Variants in DOCK5 observed in about 807,000 individuals in gnomAD.
DOCK5 encodes dedicator of cytokinesis protein 5.
DOCK5 carries 142 observed loss-of-function variants against 251.8 expected under a neutral mutation model. That is an observed-to-expected ratio of 0.56 (90% CI 0.49 to 0.65). The LOEUF is 0.65. Ranked by LOEUF, DOCK5 falls within the 30% of genes least tolerant of loss-of-function variation. The probability of loss-of-function intolerance (pLI) is 0.00; values close to 1 mark genes in which losing one functional copy is unlikely to be tolerated. For missense variants in DOCK5, 2,111 were observed against 2,312.3 expected, an observed-to-expected ratio of 0.91 and a Z score of 1.79; for synonymous variants, 842 against 835.5, an observed-to-expected ratio of 1.01 and a Z score of -0.13.
In DOCK5 at chr8:25,246,064, G is replaced by T. The variant is rs183523125; in HGVS notation, c.127+2307G>T. ...TAATTTAGAATTGTTGTGTTAAACAGTTCTAACTTTTAATTCCTATTTATT... is the reference window on the plus strand; with the variant it reads ...TAATTTAGAATTGTTGTGTTAAACATTTCTAACTTTTAATTCCTATTTATT... On this transcript the variant is annotated intron_variant, in intron 2 of 51. Transcript: ENST00000276440. 1.3e-3 allele frequency among the ~76,000 whole-genome samples: 192 copies of T among 152,292 alleles called. 2 individuals carry two copies. Among genetic ancestry groups the T allele is most frequent in the Non-Finnish European group, 2.4e-4 (16 of 68,028 alleles).
chr8:25,286,177 C>T (rs1457277498), intron 5 of DOCK5, among the ~76,000 whole-genome samples: 1 of 151,992 alleles, frequency 6.6e-6, no homozygotes, highest in African/African-American at 2.4e-5. Flanking sequence ...CACAGAAGGA[C>T]CCAAACACCC....
chr8:25,311,414 G>A (rs757356912), intron 13 of DOCK5, among the ~76,000 whole-genome samples: 5 of 151,540 alleles, frequency 3.3e-5, no homozygotes, highest in African/African-American at 7.3e-5. Context: ...GTGGTGGCAC[G>A]TGCCTGTAGT....
At chr8:25,202,345 C>T (rs1490783217) in intron 1 of DOCK5, among the ~76,000 whole-genome samples, 2 of 152,166 alleles carry the variant, frequency 1.3e-5, no homozygotes, top group Non-Finnish European at 1.5e-5. Context: ...TCCCAGGGAT[C>T]TCTGGGTGAT....
intron 5 of DOCK5, among the ~76,000 whole-genome samples, chr8:25,290,817 G>A (rs953277688): frequency 1.3e-5 from 2 of 152,150 alleles, no homozygotes; most frequent in Non-Finnish European, 2.9e-5. Context: ...TGCTATCATG[G>A]GAACAAATTC....
At chr8:25,406,451 C>G (rs770632949) in intron 48 of DOCK5, among the ~76,000 whole-genome samples, 3 of 152,066 alleles carry the variant, frequency 2.0e-5, no homozygotes, top group Non-Finnish European at 4.4e-5. Flanking sequence ...ATAAAAATAA[C>G]CTACCTGAAT....
At chr8:25,334,711 C>CT (rs1805760317) in intron 21 of DOCK5, among the ~76,000 whole-genome samples, 2 of 143,250 alleles carry the variant, frequency 1.4e-5, no homozygotes, top group African/African-American at 5.1e-5. Flanking sequence ...GACTTAGTAT[C>CT]TAAAAAAAAA....
chr8:25,377,246 G>T (rs931954670), intron 37 of DOCK5, 59 bp from the exon 38 acceptor site: 3 of 1,538,278 alleles, frequency 2.0e-6, no homozygotes, highest in Admixed American at 4.4e-5. Context: ...ATATTTTCTT[G>T]ATGTTGGGGG....
chr8:25,396,992 G>A (rs991705355), intron 45 of DOCK5, among the ~76,000 whole-genome samples: 6 of 152,076 alleles, frequency 3.9e-5, no homozygotes, highest in African/African-American at 1.4e-4. Flanking sequence ...AAGCCGAGGC[G>A]GGAGATCACC....
intron 40 of DOCK5, among the ~76,000 whole-genome samples, chr8:25,385,108 C>T (rs891443062): frequency 2.0e-5 from 3 of 152,060 alleles, no homozygotes; most frequent in Non-Finnish European, 4.4e-5. Context: ...GTGCAGCAGG[C>T]ACAGAGAGAG....
Position 25,300,606 on chromosome 8 carries a change from C to T in DOCK5, c.795C>T (p.Asn265=), listed in dbSNP as rs373195328. The T allele has an allele frequency of 1.4e-5, 23 of 1,613,224 alleles. No homozygotes were observed. The highest frequency in any genetic ancestry group is 5.9e-6 in the Non-Finnish European group (7 of 1,179,636). Residue 265 remains asparagine, a synonymous_variant, in exon 9 of 52, where the codon AAC becomes AAT. Coordinates refer to ENST00000276440, the MANE Select transcript of DOCK5 (RefSeq NM_024940.8). ...ACTATCTAATTCGTTGGGGCAGTAA[C>T]GGGATGCCCAAGGAAATAGAGAAGC... ...SENYLIRWGS[N]GMPKEIEKLN...
rs998780957 is a variant in DOCK5 at position 25,392,322 on chromosome 8, G to T, written c.4440+342G>T. Among the ~76,000 whole-genome samples, 3 of 149,592 alleles carry T rather than the reference G, an allele frequency of 2.0e-5. No individual in the cohort carries two copies. The East Asian group carries it at 5.9e-4, about 29-fold the overall frequency. Reference sequence around the variant, plus strand: ...TCGTCTCAAAAAAAAAAAAAAAAAAGGTAAAATTGACATCCCAAGTGGAGA... The same window carrying T: ...TCGTCTCAAAAAAAAAAAAAAAAAATGTAAAATTGACATCCCAAGTGGAGA... On this transcript the variant is annotated intron_variant, in intron 43 of 51. Transcript: ENST00000276440.
intron 14 of DOCK5, chr8:25,317,363 T>C (rs1480562685): frequency 2.5e-6 from 1 of 405,528 alleles, no homozygotes. Context: ...AAGAAATAGC[T>C]CCAGCCACTA....
rs1801460054 is a variant in DOCK5, at chr8:25,187,317, A to ACGTG, written c.43+2366_43+2367insCGTG. ...TACATATATATGTATATATGCGTAT[A>ACGTG]TGTGTGTGTGTGTATATATATATGT... On this transcript the variant is annotated intron_variant, in intron 1 of 51. Coordinates refer to ENST00000276440, the MANE Select transcript of DOCK5 (RefSeq NM_024940.8). Among the ~76,000 whole-genome samples, 3 of 145,820 alleles carry ACGTG rather than the reference A, an allele frequency of 2.1e-5. 1 individual carries two copies. Among genetic ancestry groups the ACGTG allele is most frequent in the South Asian group, 4.2e-4 (2 of 4,734 alleles).
intron 2 of DOCK5, among the ~76,000 whole-genome samples, chr8:25,260,847 G>A (rs951626853): frequency 3.3e-5 from 5 of 151,168 alleles, no homozygotes; most frequent in African/African-American, 4.9e-5. Flanking sequence ...CCAGGCTGGA[G>A]TGCAGTGGCG....
chr8:25,407,598 A>G (rs902100377), intron 48 of DOCK5, among the ~76,000 whole-genome samples: 1 of 152,300 alleles, frequency 6.6e-6, no homozygotes, highest in Middle Eastern at 3.4e-3. Flanking sequence ...GAGGCCGGGC[A>G]TGGTGGCTCA....
chr8:25,203,928 C>T (rs545802407), intron 1 of DOCK5, among the ~76,000 whole-genome samples: 1 of 151,638 alleles, frequency 6.6e-6, no homozygotes, highest in Non-Finnish European at 1.5e-5. Flanking sequence ...AAAATTGCTC[C>T]TCAACAAATA....
rs1805559806 is a variant in DOCK5 at position 25,326,251 on chromosome 8, T to A, written c.1903+704T>A. On this transcript the variant is annotated intron_variant, in intron 18 of 51. Coordinates refer to ENST00000276440, the MANE Select transcript of DOCK5 (RefSeq NM_024940.8). ...TGCGCTAGAAATTCTGTCTCCCATA[T>A]GCCGTGTAGAGACTGTTGCCTTTGG... 2.0e-5 allele frequency among the ~76,000 whole-genome samples: 3 copies of A among 152,196 alleles called. No individual in the cohort carries two copies. In the South Asian group the frequency reaches 6.2e-4, roughly 32 times the overall value.
At chr8:25,308,432 TGGGG>T (rs1805003511) in intron 11 of DOCK5, among the ~76,000 whole-genome samples, 2 of 152,180 alleles carry the variant, frequency 1.3e-5, no homozygotes, top group African/African-American at 4.8e-5. Flanking sequence ...GAAGTAGACC[TGGGG>T]GCTCCTGCCC....
intron 13 of DOCK5, among the ~76,000 whole-genome samples, chr8:25,313,544 A>G (rs796079635): frequency 3.2e-4 from 49 of 152,172 alleles, no homozygotes; most frequent in African/African-American, 1.1e-3. Flanking sequence ...GTTCCTTGTT[A>G]TTTGGTCCTG....
Sources: allele counts gnomAD v4.1 joint callset (sites outside exome capture counted in the v4.1 genomes callset), GRCh38; gene constraint gnomAD v4.1.1; transcripts MANE v1.5; gene names NCBI Gene and HGNC (gene_info 2026-07-23, HGNC 2026-07-21).